Variants in DMRT1 observed in about 807,000 individuals in gnomAD.
DMRT1 encodes the protein doublesex- and mab-3-related transcription factor 1.
DMRT1 carries 7 observed loss-of-function variants against 32.3 expected under a neutral mutation model. The observed-to-expected ratio is 0.22, with a 90% CI of 0.12 to 0.41. The LOEUF is 0.41. Ranked by LOEUF, DMRT1 falls within the 10% of genes least tolerant of loss-of-function variation. DMRT1 has a pLI of 1.00. For synonymous variants in DMRT1, 278 were observed against 206.1 expected, an observed-to-expected ratio of 1.35 and a Z score of -2.99; for missense variants, 625 against 500.5, an observed-to-expected ratio of 1.25 and a Z score of -2.37.
chr9:869,415 A>G (rs539441712), intron 2 of DMRT1, among the ~76,000 whole-genome samples: 2 of 152,332 alleles, frequency 1.3e-5, no homozygotes, highest in African/African-American at 4.8e-5. Flanking sequence ...CTCCGTAGGA[A>G]TTACCTTCCC....
At chr9:873,193 TTG>T (rs1376463531) in intron 2 of DMRT1, among the ~76,000 whole-genome samples, 1 of 152,252 alleles carries the variant, frequency 6.6e-6, no homozygotes, top group African/African-American at 2.4e-5. Flanking sequence ...CTCATGCACT[TTG>T]TGCCATTTTT....
intron 4 of DMRT1, among the ~76,000 whole-genome samples, chr9:958,834 C>T (rs1206153145): frequency 6.6e-6 from 1 of 152,234 alleles, no homozygotes; most frequent in Non-Finnish European, 1.5e-5. Flanking sequence ...CTCATTGGCG[C>T]TCTGGATGAG....
chr9:941,387 A>G (rs11789797), intron 4 of DMRT1, among the ~76,000 whole-genome samples: 13,278 of 143,804 alleles, frequency 0.092, 667 homozygotes, highest in Non-Finnish European at 0.11. Context: ...GACTCATGTT[A>G]TAACATGGAT....
intron 4 of DMRT1, among the ~76,000 whole-genome samples, chr9:967,532 G>T (rs922512290): frequency 6.6e-6 from 1 of 152,132 alleles, no homozygotes; most frequent in Admixed American, 6.5e-5. Context: ...CACTTCACCT[G>T]CTGTATCTTG....
At chr9:904,865 C>T (rs1019755759) in intron 3 of DMRT1, among the ~76,000 whole-genome samples, 1 of 150,524 alleles carries the variant, frequency 6.6e-6, no homozygotes, top group African/African-American at 2.4e-5. Flanking sequence ...TCGCTTGGAC[C>T]AGGGAGGCGT....
intron 2 of DMRT1, among the ~76,000 whole-genome samples, chr9:883,411 C>T (rs769635176): frequency 5.3e-5 from 8 of 151,970 alleles, no homozygotes; most frequent in Non-Finnish European, 1.2e-4. Context: ...GAATCCTCTC[C>T]CCTCAGTGAG....
At chr9:842,487 C>T (rs1252860911) in intron 1 of DMRT1, 67 of 396,186 alleles carry the variant, frequency 1.7e-4, no homozygotes, top group Non-Finnish European at 2.0e-4. Context: ...CCACCCGCCT[C>T]GGCCTCCCAA....
intron 3 of DMRT1, among the ~76,000 whole-genome samples, chr9:902,098 T>C (rs1437000236): frequency 3.4e-5 from 5 of 147,486 alleles, no homozygotes; most frequent in Non-Finnish European, 7.5e-5. Context: ...TTAGTCGAGA[T>C]GGGGTTTTGC....
chr9:930,744 A>G (rs1035780156), intron 4 of DMRT1, among the ~76,000 whole-genome samples: 2 of 150,702 alleles, frequency 1.3e-5, no homozygotes, highest in African/African-American at 5.0e-5. Context: ...GGTTCTTGCT[A>G]TGTTGTCTAG....
chr9:954,733 C>T (rs558785399), intron 4 of DMRT1, among the ~76,000 whole-genome samples: 4 of 152,174 alleles, frequency 2.6e-5, no homozygotes, highest in South Asian at 4.2e-4. Context: ...CCTGTGCCTC[C>T]CAGGTTCAAG....
chr9:861,926 C>T lies in DMRT1; in HGVS notation c.538+14783C>T, dbSNP rs1460795218. ...ATGGGGCGGCGGGGCAGAGGCGCTC[C>T]CAACATCCCAGATGATGGGCGGGCG... On this transcript the variant is annotated intron_variant, in intron 2 of 4. Transcript: ENST00000382276. Among the ~76,000 whole-genome samples the T allele has an allele frequency of 2.0e-5, 3 of 148,182 alleles. 1 individual carries two copies. The highest frequency in any genetic ancestry group is 5.0e-5 in the African/African-American group (2 of 39,964).
intron 4 of DMRT1, among the ~76,000 whole-genome samples, chr9:953,860 T>C (rs1484458362): frequency 1.3e-5 from 2 of 152,220 alleles, no homozygotes; most frequent in African/African-American, 4.8e-5. Context: ...GTCTTTTAAC[T>C]AGTGGCCACC....
intron 2 of DMRT1, among the ~76,000 whole-genome samples, chr9:855,452 T>C (rs1357088392): frequency 6.6e-6 from 1 of 152,236 alleles, no homozygotes; most frequent in Non-Finnish European, 1.5e-5. Context: ...TACCTGGCTT[T>C]ATAGTTAATG....
chr9:958,820 C>G lies in DMRT1; in HGVS notation c.968-9165C>G, dbSNP rs576120340. ...GCAGTTTGTGGATTAGATAGGAAAC[C>G]AAGCTCATTGGCGCTCTGGATGAGA... On this transcript the variant is annotated intron_variant, in intron 4 of 4. Transcript: ENST00000382276. 3.3e-5 allele frequency among the ~76,000 whole-genome samples: 5 copies of G among 152,258 alleles called. No individual in the cohort carries two copies. In the South Asian group the frequency reaches 1.0e-3, roughly 32 times the overall value.
chr9:937,349 T>G (rs1001004934), intron 4 of DMRT1, among the ~76,000 whole-genome samples: 12 of 152,278 alleles, frequency 7.9e-5, no homozygotes, highest in Non-Finnish European at 1.0e-4. Context: ...TCAGTTCTTC[T>G]GGATATATAT....
intron 2 of DMRT1, among the ~76,000 whole-genome samples, chr9:852,787 G>A (rs1326883793): frequency 3.9e-5 from 6 of 152,138 alleles, no homozygotes; most frequent in Non-Finnish European, 7.3e-5. Context: ...CTCTTCTGTG[G>A]CTCGTGGCCC....
rs537821401 is a variant in DMRT1, at chr9:893,879, C to T, written c.539-33C>T. ...AAGTTTCGTGGACTAACATTAATACCATGTTGTATTTTTCTTTTTTCTTCC... is the reference window on the plus strand; with the variant it reads ...AAGTTTCGTGGACTAACATTAATACTATGTTGTATTTTTCTTTTTTCTTCC... On this transcript the variant is annotated intron_variant, in intron 2 of 4. Coordinates refer to ENST00000382276, the MANE Select transcript of DMRT1 (RefSeq NM_021951.3). The T allele has an allele frequency of 2.5e-6, 4 of 1,598,770 alleles. No individual in the cohort carries two copies. In the African/African-American group the frequency reaches 5.4e-5, roughly 21 times the overall value.
intron 4 of DMRT1, among the ~76,000 whole-genome samples, chr9:956,022 A>G (rs1238787610): frequency 1.3e-5 from 2 of 152,252 alleles, no homozygotes; most frequent in Non-Finnish European, 2.9e-5. Flanking sequence ...ATGCAACGCA[A>G]ATGACCATTA....
chr9:929,599 C>T (rs1818642025), intron 4 of DMRT1, among the ~76,000 whole-genome samples: 1 of 151,918 alleles, frequency 6.6e-6, no homozygotes, highest in South Asian at 2.1e-4. Flanking sequence ...TTCTTTCTTT[C>T]TTTCTATTAT....
Sources: gnomAD v4.1 joint callset for allele counts (sites outside exome capture counted in the v4.1 genomes callset) on GRCh38, gnomAD v4.1.1 for gene constraint, MANE v1.5 for transcripts, NCBI Gene and HGNC (gene_info 2026-07-23, HGNC 2026-07-21) for gene names.